RALGAPA2: variants seen among roughly 807,000 people sequenced by gnomAD.
RALGAPA2 encodes ral GTPase-activating protein subunit alpha-2.
A neutral mutation model predicts 230.4 loss-of-function variants in RALGAPA2; 139 were observed. The observed-to-expected ratio is 0.60, with a 90% CI of 0.53 to 0.69. The LOEUF (loss-of-function observed/expected upper bound fraction) is 0.69, where lower values mean the gene tolerates loss of function less well. RALGAPA2 is among the 30% of genes least tolerant of loss of function. The probability of loss-of-function intolerance (pLI) is 0.00; values close to 1 mark genes in which losing one functional copy is unlikely to be tolerated. For missense variants in RALGAPA2, 2,163 were observed against 2,276.0 expected, an observed-to-expected ratio of 0.95 and a Z score of 1.01; for synonymous variants, 847 against 837.8, an observed-to-expected ratio of 1.01 and a Z score of -0.19.
chr20:20,624,940 C>T (rs150473938), intron 10 of RALGAPA2, among the ~76,000 whole-genome samples: 6 of 152,212 alleles, frequency 3.9e-5, no homozygotes, highest in African/African-American at 1.4e-4. Flanking sequence ...AGTCCCCATC[C>T]CCACCCCAGG....
chr20:20,676,208 A>G (rs1239044992), intron 3 of RALGAPA2, 28 bp downstream of exon 3: 4 of 1,413,680 alleles, frequency 2.8e-6, no homozygotes, highest in Non-Finnish European at 3.9e-6. Context: ...AAGAATTATA[A>G]AAGCTAAATA....
intron 23 of RALGAPA2, among the ~76,000 whole-genome samples, chr20:20,570,905 C>T (rs1353971559): frequency 6.6e-6 from 1 of 152,202 alleles, no homozygotes; most frequent in Non-Finnish European, 1.5e-5. Context: ...TCTCCCAAAC[C>T]TAGGGCCTAC....
intron 38 of RALGAPA2, among the ~76,000 whole-genome samples, chr20:20,404,453 TA>T (rs1408799043): frequency 1.3e-5 from 2 of 152,276 alleles, no homozygotes. Context: ...TGGCTGTTCC[TA>T]AACAGGAATT....
At chr20:20,679,669 T>C (rs764934094) in intron 2 of RALGAPA2, among the ~76,000 whole-genome samples, 21 of 152,102 alleles carry the variant, frequency 1.4e-4, no homozygotes, top group Non-Finnish European at 1.8e-4. Context: ...CCTTTACTCA[T>C]GTTCTCCCCT....
intron 38 of RALGAPA2, among the ~76,000 whole-genome samples, chr20:20,399,134 C>G (rs1391724029): frequency 6.6e-6 from 1 of 152,122 alleles, no homozygotes; most frequent in African/African-American, 2.4e-5. Context: ...CACCTAAGGT[C>G]AGGAGTTTGA....
chr20:20,454,111 T>C (rs2061052903), intron 37 of RALGAPA2, among the ~76,000 whole-genome samples: 2 of 152,162 alleles, frequency 1.3e-5, no homozygotes, highest in Non-Finnish European at 2.9e-5. Flanking sequence ...AAGCTCAACT[T>C]AAGGGGTTCT....
chr20:20,507,923 T>C (rs916387475), intron 33 of RALGAPA2, among the ~76,000 whole-genome samples: 4 of 152,230 alleles, frequency 2.6e-5, no homozygotes, highest in Non-Finnish European at 5.9e-5. Flanking sequence ...TCTCTCTACA[T>C]ATGTAAAAAC....
chr20:20,409,751 GA>G (rs747193371), intron 38 of RALGAPA2, among the ~76,000 whole-genome samples: 7 of 152,188 alleles, frequency 4.6e-5, no homozygotes, highest in Non-Finnish European at 7.4e-5. Flanking sequence ...AGATGCTTCC[GA>G]AAACGTGCTT....
chr20:20,593,897 C>T (rs967936983), intron 16 of RALGAPA2, among the ~76,000 whole-genome samples: 3 of 152,246 alleles, frequency 2.0e-5, no homozygotes, highest in African/African-American at 7.2e-5. Flanking sequence ...CTGCCACCAC[C>T]AGCTGGTCTG....
chr20:20,540,915 C>T (rs2063625096), intron 24 of RALGAPA2, among the ~76,000 whole-genome samples: 1 of 151,758 alleles, frequency 6.6e-6, no homozygotes, highest in African/African-American at 2.4e-5. Flanking sequence ...AAATCTCATT[C>T]TAGTTTTTTC....
intron 2 of RALGAPA2, among the ~76,000 whole-genome samples, chr20:20,678,000 G>C (rs937609793): frequency 6.6e-6 from 1 of 152,178 alleles, no homozygotes; most frequent in African/African-American, 2.4e-5. Context: ...TATGGGATGG[G>C]AGAGGGCACA....
chr20:20,680,750 T>C lies in RALGAPA2; in HGVS notation c.158A>G (p.Gln53Arg). The C allele has an allele frequency of 1.9e-6, 3 of 1,587,870 alleles. No homozygotes were observed. Among genetic ancestry groups the C allele is most frequent in the East Asian group, 2.3e-5 (1 of 44,202 alleles). Residue 53 changes from glutamine to arginine, a missense_variant, in exon 2 of 40, where the codon CAG (glutamine) becomes CGG (arginine). Gln to Arg is a conservative substitution (Grantham distance 43, BLOSUM62 1). Coordinates refer to ENST00000202677, the MANE Select transcript of RALGAPA2 (RefSeq NM_020343.4). The stretch of plus-strand genomic sequence containing the variant: ...ATTTTCATAGAAGATGAAATATATC[T>C]GAGAATAGTTGGTCTCAAAAAACTG... The part of the protein sequence containing the change: ...LKQFFETNYS[Q>R]IYFIFYENFI...
chr20:20,472,891 T>C lies in RALGAPA2; in HGVS notation c.5433A>G (p.Val1811=), dbSNP rs770523756. The change falls in exon 37 of 40, where the codon GTA becomes GTG. Residue 1811 remains valine, a synonymous_variant. Transcript: ENST00000202677. ...IVSGKLLPSL[V]CATCINASRA... The stretch of plus-strand genomic sequence containing the variant: ...TGCTGGCGTTGATGCACGTGGCACA[T>C]ACAAGGCTTGGCAGCAGCTTCCCAC... The C allele has an allele frequency of 2.5e-6, 4 of 1,613,508 alleles. No individual in the cohort carries two copies. Among genetic ancestry groups the C allele is most frequent in the Admixed American group, 1.7e-5 (1 of 59,928 alleles).
chr20:20,472,900 T>G lies in RALGAPA2; in HGVS notation c.5424A>C (p.Pro1808=). 6.2e-7 allele frequency: 1 copy of G among 1,613,626 alleles called. No individual in the cohort carries two copies. The highest frequency in any genetic ancestry group is 8.5e-7 in the Non-Finnish European group (1 of 1,179,670). The part of the protein sequence containing the change: ...DGAIVSGKLL[P]SLVCATCINA... Reference sequence around the variant, plus strand: ...TGATGCACGTGGCACATACAAGGCTTGGCAGCAGCTTCCCACTCACTATGG... The same window carrying G: ...TGATGCACGTGGCACATACAAGGCTGGGCAGCAGCTTCCCACTCACTATGG... The change falls in exon 37 of 40, where the codon CCA becomes CCC. Residue 1808 remains proline, a synonymous_variant. Transcript: ENST00000202677.
rs371403170 is a variant in RALGAPA2, at chr20:20,554,890, T to A, written c.3157-8058A>T. Among the ~76,000 whole-genome samples the A allele has an allele frequency of 4.6e-5, 7 of 152,366 alleles. No homozygotes were observed. The East Asian group carries it at 1.3e-3, about 29-fold the overall frequency. On this transcript the variant is annotated intron_variant, in intron 23 of 39. Coordinates refer to ENST00000202677, the MANE Select transcript of RALGAPA2 (RefSeq NM_020343.4). ...TTTTGTGAGTTGTATTTTCACTTGC[T>A]TGATAGCATCTTTTGAAGCACAAAA...
At chr20:20,447,391 A>AG (rs1458041552) in intron 37 of RALGAPA2, among the ~76,000 whole-genome samples, 2 of 152,298 alleles carry the variant, frequency 1.3e-5, no homozygotes, top group Non-Finnish European at 2.9e-5. Context: ...ACAACACTAA[A>AG]GGAAAAAGAT....
chr20:20,485,300 C>T (rs548835879), intron 36 of RALGAPA2, among the ~76,000 whole-genome samples: 1 of 152,226 alleles, frequency 6.6e-6, no homozygotes, highest in East Asian at 1.9e-4. Flanking sequence ...TATAGTTATT[C>T]CAGCTTTCTC....
chr20:20,477,653 T>A (rs1019247888), intron 36 of RALGAPA2, among the ~76,000 whole-genome samples: 7 of 152,178 alleles, frequency 4.6e-5, no homozygotes, highest in Non-Finnish European at 8.8e-5. Flanking sequence ...TGGCTCAATC[T>A]TGGCTCACAG....
In RALGAPA2 at chr20:20,524,812, A is replaced by G; in HGVS notation, c.3762+18T>C. ...AATAAAAAAACTATAGGAAAAACTT[A>G]GTTAATGTGCCACCTACCTTCTTGT... On this transcript the variant is annotated intron_variant, in intron 29 of 39. Coordinates refer to ENST00000202677, the MANE Select transcript of RALGAPA2 (RefSeq NM_020343.4). 6.4e-7 allele frequency: 1 copy of G among 1,559,416 alleles called. No individual in the cohort carries two copies. The highest frequency in any genetic ancestry group is 8.7e-7 in the Non-Finnish European group (1 of 1,155,162).
Sources: gnomAD v4.1 joint callset for allele counts (sites outside exome capture counted in the v4.1 genomes callset) on GRCh38, gnomAD v4.1.1 for gene constraint, MANE v1.5 for transcripts, NCBI Gene and HGNC (gene_info 2026-07-23, HGNC 2026-07-21) for gene names.